Variants in DSCC1 observed in about 807,000 individuals in gnomAD.
The protein encoded by DSCC1 is DNA replication and sister chromatid cohesion 1.
A neutral mutation model predicts 48.2 loss-of-function variants in DSCC1; 32 were observed. The ratio of observed to expected loss-of-function variants is 0.66; its 90% CI spans 0.50 to 0.89. The LOEUF is 0.89. Ranked by LOEUF, DSCC1 falls within the 40% of genes least tolerant of loss-of-function variation. The pLI, the probability that DSCC1 is intolerant of heterozygous loss-of-function variation, is 0.00. For synonymous variants in DSCC1, 150 were observed against 171.5 expected (o/e 0.87, Z 0.98); for missense variants, 421 against 471.7 (o/e 0.89, Z 1.00).
At position 119,853,155 on chromosome 8, in the gene DSCC1, G is replaced by A. The variant is rs981584135; in HGVS notation, c.243C>T (p.Tyr81=). The A allele has an allele frequency of 1.7e-5, 27 of 1,613,988 alleles. No homozygotes were observed. Among genetic ancestry groups the A allele is most frequent in the East Asian group, 6.7e-5 (3 of 44,878 alleles). The change falls in exon 2 of 9, where the codon TAC becomes TAT. Residue 81 remains tyrosine, a synonymous_variant. Coordinates refer to ENST00000313655, the MANE Select transcript of DSCC1 (RefSeq NM_024094.3). ...TGGAAGTGTCTGCTATCTTCAAGTCGTATGTTTTGTCTTTACTGCACAGCA... is the reference window on the plus strand; with the variant it reads ...TGGAAGTGTCTGCTATCTTCAAGTCATATGTTTTGTCTTTACTGCACAGCA... The part of the protein sequence containing the change: ...QAVLCSKDKT[Y]DLKIADTSNM...
chr8:119,853,184 C>G lies in DSCC1; in HGVS notation c.214G>C (p.Ala72Pro), dbSNP rs1329705459. 29 of 1,611,758 alleles carry G rather than the reference C, an allele frequency of 1.8e-5. No homozygotes were observed. The highest frequency in any genetic ancestry group is 2.2e-5 in the Non-Finnish European group (26 of 1,178,614). ...LVIRGDKDEQAVLCSKDKTYD... is the reference protein window; with the variant it reads ...LVIRGDKDEQPVLCSKDKTYD... Reference sequence around the variant, plus strand: ...GTTTTGTCTTTACTGCACAGCACAGCTTGCTCGTCTTTATCACCACGAATC... The same window carrying G: ...GTTTTGTCTTTACTGCACAGCACAGGTTGCTCGTCTTTATCACCACGAATC... The change falls in exon 2 of 9, where the codon GCT becomes CCT. Residue 72 changes from alanine to proline, a missense_variant. This residue lies in a region of DSCC1 where 174 missense variants were observed against 184.5 expected (regional missense o/e 0.94). Coordinates refer to ENST00000313655, the MANE Select transcript of DSCC1 (RefSeq NM_024094.3).
chr8:119,835,054 G>C lies in DSCC1; in HGVS notation c.1074-53C>G, dbSNP rs1826658731. 6.8e-6 allele frequency: 8 copies of C among 1,177,176 alleles called. No homozygotes were observed. The South Asian group carries it at 1.0e-4, about 15-fold the overall frequency. The allele number at this position is 1,177,176 out of a possible 1,614,324, so 72.9% of individuals were successfully genotyped here. A position where few individuals can be genotyped will look rare whatever the true frequency, so the allele number is the denominator to read the frequency against. On this transcript the variant is annotated intron_variant, in intron 8 of 8. Transcript: ENST00000313655. ...ATGAATATTTTAGGGAACATATTAT[G>C]ATACAGTACTATGTACTTATTTTCT...
intron 2 of DSCC1, 88 bp from the exon 3 acceptor site, chr8:119,850,604 A>G (rs1046125005): frequency 8.2e-7 from 1 of 1,220,060 alleles, no homozygotes. Context: ...TGCCCCCTCA[A>G]CAAGTACAAA....
At chr8:119,842,700 TA>T (rs1826790583) in intron 6 of DSCC1, 75 bp downstream of exon 6, 1 of 1,391,676 alleles carries the variant, frequency 7.2e-7, no homozygotes, top group African/African-American at 1.4e-5. Flanking sequence ...TTCTTATTTT[TA>T]ACACCGACAG....
Position 119,850,514 on chromosome 8 carries a change from G to C in DSCC1, c.354C>G (p.Ile118Met), listed in dbSNP as rs779259926. The C allele has an allele frequency of 1.3e-6, 2 of 1,550,638 alleles. No individual in the cohort carries two copies. Among genetic ancestry groups the C allele is most frequent in the Non-Finnish European group, 1.7e-6 (2 of 1,161,402 alleles). Residue 118 changes from isoleucine to methionine, a missense_variant and splice_region_variant, in exon 3 of 9, where the codon ATC (isoleucine) becomes ATG (methionine). This residue lies in a region of DSCC1 where 174 missense variants were observed against 184.5 expected (regional missense o/e 0.94). Transcript: ENST00000313655. ...CCCAATAATTATTAGAAAAACCAAA[G>C]ATCTAGAAATTATATATATCGTAAC... Reference protein sequence around the residue: ...DSHCNIIHTEIFGFSNNYWEL... With the variant: ...DSHCNIIHTEMFGFSNNYWEL...
chr8:119,843,788 T>A, intron 4 of DSCC1, 41 bp from the exon 5 acceptor site: 1 of 1,588,862 alleles, frequency 6.3e-7, no homozygotes, highest in Non-Finnish European at 8.5e-7. Flanking sequence ...GAACTTTTTT[T>A]TTTTTAAGGC....
At chr8:119,841,302 T>A (rs1826765025) in intron 7 of DSCC1, among the ~76,000 whole-genome samples, 1 of 152,142 alleles carries the variant, frequency 6.6e-6, no homozygotes, top group Admixed American at 6.6e-5. Flanking sequence ...TGACTGGCAT[T>A]TTCAAAAGAT....
rs1161046847 is a variant in DSCC1 at position 119,843,591 on chromosome 8, A to C, written c.716+18T>G. 2 of 1,596,714 alleles carry C rather than the reference A, an allele frequency of 1.3e-6. No homozygotes were observed. The highest frequency in any genetic ancestry group is 2.7e-5 in the African/African-American group (2 of 73,598). ...CCCCTTAAGGAAATCTGGATAGACA[A>C]GAAATTAAAATACTTACTCTGGCTC... On this transcript the variant is annotated intron_variant, in intron 5 of 8. Transcript: ENST00000313655.
At chr8:119,846,343 A>G (rs572370541) in intron 4 of DSCC1, among the ~76,000 whole-genome samples, 2 of 152,090 alleles carry the variant, frequency 1.3e-5, no homozygotes, top group East Asian at 3.9e-4. Flanking sequence ...CAAACTCCTG[A>G]CGTCGTGATC....
intron 3 of DSCC1, among the ~76,000 whole-genome samples, chr8:119,848,611 T>C (rs1316850025): frequency 6.6e-6 from 1 of 152,216 alleles, no homozygotes; most frequent in Non-Finnish European, 1.5e-5. Flanking sequence ...ATTCTGCTCC[T>C]AGGTACATAC....
At chr8:119,842,319 G>C (rs768367270) in intron 6 of DSCC1, among the ~76,000 whole-genome samples, 1 of 150,856 alleles carries the variant, frequency 6.6e-6, no homozygotes, top group Non-Finnish European at 1.5e-5. Context: ...CAGGTGATCC[G>C]CACACCTTGG....
intron 4 of DSCC1, among the ~76,000 whole-genome samples, chr8:119,846,153 G>A (rs1217001650): frequency 1.6e-5 from 2 of 124,944 alleles, no homozygotes; most frequent in Non-Finnish European, 3.2e-5. Context: ...TTGCTCTTTC[G>A]CCCAGGCTGG....
rs752439666 is a variant in DSCC1, at chr8:119,847,012, A to G, written c.555T>C (p.Val185=). The change falls in exon 4 of 9, where the codon GTT becomes GTC. Residue 185 remains valine, a synonymous_variant. Coordinates refer to ENST00000313655, the MANE Select transcript of DSCC1 (RefSeq NM_024094.3). ...SEEEIMTQLQ[V]LNACKIGGYW... is the part of the protein sequence containing the mutation. ...TACCTCCAATCTTACAGGCATTTAGAACTTGTAATTGGGTCATTATTTCTT... is the reference window on the plus strand; with the variant it reads ...TACCTCCAATCTTACAGGCATTTAGGACTTGTAATTGGGTCATTATTTCTT... The G allele has an allele frequency of 3.1e-6, 5 of 1,613,874 alleles. No individual in the cohort carries two copies. Among genetic ancestry groups the G allele is most frequent in the Non-Finnish European group, 4.2e-6 (5 of 1,180,000 alleles).
intron 8 of DSCC1, among the ~76,000 whole-genome samples, chr8:119,836,237 C>T (rs1169760415): frequency 3.3e-5 from 5 of 152,110 alleles, no homozygotes; most frequent in South Asian, 2.1e-4. Flanking sequence ...CCCTTAAACT[C>T]GGGAGGCAAA....
intron 3 of DSCC1, 28 bp from the exon 4 acceptor site, chr8:119,847,108 C>G: frequency 6.3e-7 from 1 of 1,581,576 alleles, no homozygotes. Flanking sequence ...TATTTTAAGG[C>G]CTTTGAAGAA....
Position 119,834,941 on chromosome 8 carries a change from C to T in DSCC1, c.1134G>A (p.Ser378=), listed in dbSNP as rs201772317. 1.1e-5 allele frequency: 17 copies of T among 1,611,242 alleles called. No homozygotes were observed. The highest frequency in any genetic ancestry group is 1.7e-4 in the Middle Eastern group (1 of 6,048). ...GALLTKYSHS[S]MQNGVKVYNS... is the part of the protein sequence containing the mutation. ...TATAAACTTTAACACCATTTTGCAT[C>T]GAAGAATGAGAATATTTAGTGAGTA... is the stretch of plus-strand genomic sequence containing the variant. Residue 378 remains serine (S), a synonymous_variant, in exon 9 of 9, where the codon TCG becomes TCA. Coordinates refer to ENST00000313655, the MANE Select transcript of DSCC1 (RefSeq NM_024094.3).
At position 119,846,974 on chromosome 8, in the gene DSCC1, TAGTA is replaced by T. The variant is rs766194921; in HGVS notation, c.577+12_577+15del. The T allele has an allele frequency of 5.6e-6, 9 of 1,609,442 alleles. No individual in the cohort carries two copies. In the African/African-American group the frequency reaches 8.0e-5, roughly 14 times the overall value. ...CCCAATTTCATCATTGTTAAAATAG[TAGTA>T]AGTAACGCTACCTCCAATCTTACAG... On this transcript the variant is annotated intron_variant, in intron 4 of 8. Transcript: ENST00000313655.
At chr8:119,852,443 T>C (rs1826954064) in intron 2 of DSCC1, among the ~76,000 whole-genome samples, 1 of 152,052 alleles carries the variant, frequency 6.6e-6, no homozygotes, top group African/African-American at 2.4e-5. Context: ...AACCTCTGCC[T>C]CCTGGATTCA....
At chr8:119,850,239 T>G in intron 3 of DSCC1, 143 bp downstream of exon 3, 1 of 720,394 alleles carries the variant, frequency 1.4e-6, no homozygotes, top group Non-Finnish European at 2.1e-6. Flanking sequence ...TGCTTTGGGG[T>G]GTGCTTGAAA....
Sources: gnomAD v4.1 joint callset for allele counts (sites outside exome capture counted in the v4.1 genomes callset) on GRCh38, gnomAD v4.1.1 for gene constraint, gnomAD v4.1.1 regional missense constraint, MANE v1.5 for transcripts, NCBI Gene and HGNC (gene_info 2026-07-23, HGNC 2026-07-21) for gene names.